PRKCA: variants seen among roughly 807,000 people sequenced by gnomAD.
PRKCA encodes protein kinase C alpha type.
Under a neutral mutation model 87.0 loss-of-function variants are expected in PRKCA, and 27 were observed. That is an observed-to-expected ratio of 0.31 (90% CI 0.23 to 0.43). PRKCA has a LOEUF of 0.43. Among genes scored for constraint, PRKCA ranks in the 20% least tolerant of loss-of-function variants. The pLI is 1.00. For missense variants in PRKCA, 518 were observed against 852.3 expected (o/e 0.61, Z 4.88); for synonymous variants, 329 against 311.1 (o/e 1.06, Z -0.61).
intron 2 of PRKCA, among the ~76,000 whole-genome samples, chr17:66,402,339 G>C (rs1256954506): frequency 6.6e-6 from 1 of 151,970 alleles, no homozygotes; most frequent in African/African-American, 2.4e-5. Context: ...GTTTATAATG[G>C]CAGTAGAGTG....
chr17:66,449,102 T>C (rs1396242364), intron 2 of PRKCA, among the ~76,000 whole-genome samples: 1 of 149,370 alleles, frequency 6.7e-6, no homozygotes, highest in African/African-American at 2.5e-5. Context: ...CTGGGCAACA[T>C]AGTGAGTCCC....
intron 3 of PRKCA, among the ~76,000 whole-genome samples, chr17:66,576,718 A>G (rs925437328): frequency 6.6e-6 from 1 of 152,204 alleles, no homozygotes; most frequent in Admixed American, 6.5e-5. Flanking sequence ...GGGAACACAC[A>G]CAGAGCCAGC....
chr17:66,793,839 A>G (rs1244956614), intron 16 of PRKCA, among the ~76,000 whole-genome samples: 1 of 152,196 alleles, frequency 6.6e-6, no homozygotes, highest in African/African-American at 2.4e-5. Flanking sequence ...CGGCTTTGCC[A>G]GAAAAATAAA....
At chr17:66,498,248 T>C (rs1478543023) in intron 3 of PRKCA, among the ~76,000 whole-genome samples, 2 of 152,124 alleles carry the variant, frequency 1.3e-5, no homozygotes, top group East Asian at 3.9e-4. Flanking sequence ...GAACGTAAAG[T>C]ACTAACTTTT....
chr17:66,552,984 TTTC>T (rs199635615), intron 3 of PRKCA, among the ~76,000 whole-genome samples: 3,985 of 111,254 alleles, frequency 0.036, 142 homozygotes, highest in African/African-American at 0.098. Context: ...ATCTGAATAT[TTTC>T]TTTTTTTTTT....
intron 8 of PRKCA, among the ~76,000 whole-genome samples, chr17:66,707,681 A>G (rs891555838): frequency 1.3e-5 from 2 of 152,216 alleles, no homozygotes; most frequent in Non-Finnish European, 2.9e-5. Flanking sequence ...GGCTAGAGAC[A>G]GAACCTTGCT....
At chr17:66,749,248 C>A (rs1974374667) in intron 13 of PRKCA, among the ~76,000 whole-genome samples, 1 of 152,076 alleles carries the variant, frequency 6.6e-6, no homozygotes, top group African/African-American at 2.4e-5. Flanking sequence ...CCTTTAGCAC[C>A]TGCCTCCCCG....
chr17:66,710,289 G>A (rs1329656953), intron 8 of PRKCA, among the ~76,000 whole-genome samples: 7 of 151,932 alleles, frequency 4.6e-5, no homozygotes, highest in South Asian at 4.2e-4. Context: ...CGGGGTCACC[G>A]TCTGTCTGCT....
At chr17:66,530,088 G>A (rs571763567) in intron 3 of PRKCA, among the ~76,000 whole-genome samples, 1 of 152,280 alleles carries the variant, frequency 6.6e-6, no homozygotes, top group South Asian at 2.1e-4. Context: ...ATGATATTTG[G>A]TTCCTGCCCC....
chr17:66,345,326 AATTTCTGAAGCAATCATTTATGT>A, intron 2 of PRKCA, among the ~76,000 whole-genome samples: 1 of 152,298 alleles, frequency 6.6e-6, no homozygotes, highest in Non-Finnish European at 1.5e-5. Flanking sequence ...TAGGAAGTTG[AATTTCTGAAGCAATCATTTATGT>A]TCAGCCTGTG....
intron 5 of PRKCA, among the ~76,000 whole-genome samples, chr17:66,684,245 A>G (rs562185501): frequency 5.1e-4 from 77 of 152,364 alleles, no homozygotes; most frequent in African/African-American, 1.8e-3. Context: ...CCGAGTGCCT[A>G]TCACTGCTCT....
chr17:66,336,753 TTTGTG>T (rs1290454396), intron 2 of PRKCA, among the ~76,000 whole-genome samples: 1 of 106,108 alleles, frequency 9.4e-6, no homozygotes, highest in Non-Finnish European at 2.2e-5. Context: ...TGCAAATAAG[TTTGTG>T]TGTGTGTGTG....
At chr17:66,746,644 C>G (rs1974293621) in intron 13 of PRKCA, among the ~76,000 whole-genome samples, 1 of 152,084 alleles carries the variant, frequency 6.6e-6, no homozygotes, top group Non-Finnish European at 1.5e-5. Flanking sequence ...CTTAGCGTCT[C>G]CTTAGGCAGC....
At chr17:66,614,721 G>C (rs1195604891) in intron 3 of PRKCA, among the ~76,000 whole-genome samples, 1 of 152,178 alleles carries the variant, frequency 6.6e-6, no homozygotes, top group Non-Finnish European at 1.5e-5. Flanking sequence ...ACAAGTGGCA[G>C]TTCCTCGTTA....
chr17:66,633,820 C>T (rs1971084414), intron 3 of PRKCA, among the ~76,000 whole-genome samples: 1 of 152,170 alleles, frequency 6.6e-6, no homozygotes, highest in Non-Finnish European at 1.5e-5. Flanking sequence ...TCATTGGTTG[C>T]CTGCCTCCTG....
chr17:66,495,063 C>T (rs149291001), intron 2 of PRKCA, among the ~76,000 whole-genome samples: 59 of 148,386 alleles, frequency 4.0e-4, no homozygotes, highest in African/African-American at 1.4e-3. Context: ...GATCACCCCA[C>T]TGCACTCCAG....
chr17:66,323,652 C>T (rs189366621), intron 2 of PRKCA, among the ~76,000 whole-genome samples: 7 of 152,270 alleles, frequency 4.6e-5, no homozygotes, highest in Admixed American at 4.6e-4. Flanking sequence ...GAAAGAATTG[C>T]TAATCAGATG....
Position 66,732,538 on chromosome 17 carries a change from T to A in PRKCA, c.919-150T>A, listed in dbSNP as rs977712816. 51 of 931,852 alleles carry A rather than the reference T, an allele frequency of 5.5e-5. 1 individual carries two copies. The African/African-American group carries it at 6.8e-4, about 12-fold the overall frequency. 57.7% of individuals were successfully genotyped at this position (931,852 alleles called of 1,614,324 possible). A position where few individuals can be genotyped will look rare whatever the true frequency, so the allele number is the denominator to read the frequency against. ...TAGGGTGAGTGTAGCTGCTGATATC[T>A]GAACAGGTACTCAATTCTCACCCTT... is the stretch of plus-strand genomic sequence containing the variant. On this transcript the variant is annotated intron_variant, in intron 8 of 16. Coordinates refer to ENST00000413366, the MANE Select transcript of PRKCA (RefSeq NM_002737.3).
chr17:66,324,447 CAAA>C (rs61047065), intron 2 of PRKCA, among the ~76,000 whole-genome samples: 1 of 90,658 alleles, frequency 1.1e-5, no homozygotes. Flanking sequence ...ACTAAAAATA[CAAA>C]AAAAAAAAAA....
Sources: gnomAD v4.1 joint callset for allele counts (sites outside exome capture counted in the v4.1 genomes callset) on GRCh38, gnomAD v4.1.1 for gene constraint, MANE v1.5 for transcripts, NCBI Gene and HGNC (gene_info 2026-07-23, HGNC 2026-07-21) for gene names.